UBE2U: variants seen among roughly 807,000 people sequenced by gnomAD.
UBE2U encodes ubiquitin conjugating enzyme E2 U, also known as ubiquitin-conjugating enzyme E2 U.
UBE2U carries 39 observed loss-of-function variants against 41.2 expected under a neutral mutation model. The observed-to-expected ratio is 0.95, with a 90% CI of 0.73 to 1.24. UBE2U has a LOEUF of 1.24. Among genes scored for constraint, UBE2U ranks in the 50% most tolerant of loss-of-function variants. UBE2U has a pLI of 0.00. For missense variants in UBE2U, 336 were observed against 363.1 expected (o/e 0.93, Z 0.61); for synonymous variants, 107 against 117.8 (o/e 0.91, Z 0.60).
intron 4 of UBE2U, among the ~76,000 whole-genome samples, chr1:64,214,354 GTGA>G (rs1402643021): frequency 7.9e-5 from 12 of 152,084 alleles, no homozygotes; most frequent in Admixed American, 7.9e-4. Flanking sequence ...TGTGCCTACA[GTGA>G]TGGGCAATAC....
At chr1:64,236,851 C>G (rs1468400751) in intron 7 of UBE2U, among the ~76,000 whole-genome samples, 6 of 152,216 alleles carry the variant, frequency 3.9e-5, no homozygotes, top group African/African-American at 1.4e-4. Flanking sequence ...TCAGTCTTGA[C>G]TGCTCATGAG....
chr1:64,224,967 AC>A (rs1257193695), intron 6 of UBE2U, among the ~76,000 whole-genome samples: 2 of 148,642 alleles, frequency 1.3e-5, no homozygotes, highest in African/African-American at 5.0e-5. Flanking sequence ...ACACACACAC[AC>A]AACTGAAAGG....
At chr1:64,245,483 T>C (rs1644905693) in intron 8 of UBE2U, among the ~76,000 whole-genome samples, 1 of 152,218 alleles carries the variant, frequency 6.6e-6, no homozygotes, top group Non-Finnish European at 1.5e-5. Context: ...AAATAAAACT[T>C]ATCAGTCCTG....
chr1:64,218,858 AC>A, intron 5 of UBE2U, among the ~76,000 whole-genome samples: 1 of 152,248 alleles, frequency 6.6e-6, no homozygotes, highest in South Asian at 2.1e-4. Context: ...CTTCTTCTAA[AC>A]TTTCTGACAA....
At chr1:64,236,388 A>G (rs1169246250) in intron 7 of UBE2U, among the ~76,000 whole-genome samples, 1 of 152,194 alleles carries the variant, frequency 6.6e-6, no homozygotes, top group Admixed American at 6.6e-5. Context: ...TTTAAATTCA[A>G]ACTCGGAAGT....
chr1:64,251,565 G>A (rs1645011876), intron 8 of UBE2U, among the ~76,000 whole-genome samples: 1 of 152,134 alleles, frequency 6.6e-6, no homozygotes, highest in African/African-American at 2.4e-5. Flanking sequence ...CCCATGGAGA[G>A]CAAAGAAAAG....
chr1:64,233,788 A>G (rs1187962466), intron 7 of UBE2U, among the ~76,000 whole-genome samples: 2 of 152,234 alleles, frequency 1.3e-5, no homozygotes, highest in Non-Finnish European at 2.9e-5. Context: ...TAGGTTGTCC[A>G]GTCTGCATAC....
intron 6 of UBE2U, among the ~76,000 whole-genome samples, chr1:64,231,490 T>A (rs1331107215): frequency 2.0e-5 from 3 of 152,248 alleles, no homozygotes; most frequent in Non-Finnish European, 4.4e-5. Context: ...CATGCGGCTC[T>A]GGAAGCAATA....
chr1:64,232,745 T>C (rs1400805462), intron 7 of UBE2U, 96 bp downstream of exon 7: 5 of 873,572 alleles, frequency 5.7e-6, no homozygotes, highest in East Asian at 2.5e-5. Context: ...ACATCTGCTA[T>C]GTAAGAGTGA....
At chr1:64,231,548 GTGTGA>G (rs1644566152) in intron 6 of UBE2U, among the ~76,000 whole-genome samples, 1 of 152,174 alleles carries the variant, frequency 6.6e-6, no homozygotes, top group Non-Finnish European at 1.5e-5. Flanking sequence ...TTCTACTTAA[GTGTGA>G]TTGTAAAAGT....
chr1:64,244,564 C>A (rs1039247977), intron 8 of UBE2U, among the ~76,000 whole-genome samples: 10 of 152,080 alleles, frequency 6.6e-5, no homozygotes, highest in African/African-American at 2.4e-4. Context: ...TTCCTATATG[C>A]CTCTGGTTCC....
intron 7 of UBE2U, among the ~76,000 whole-genome samples, chr1:64,238,366 T>C (rs1469591432): frequency 1.3e-5 from 2 of 149,886 alleles, no homozygotes; most frequent in East Asian, 4.0e-4. Context: ...ATTGCACCAC[T>C]GCACTCCAGC....
intron 8 of UBE2U, among the ~76,000 whole-genome samples, chr1:64,255,382 A>T (rs1210120446): frequency 6.6e-6 from 1 of 152,140 alleles, no homozygotes; most frequent in Non-Finnish European, 1.5e-5. Context: ...TATTCCAAAA[A>T]AAATTGAAAA....
chr1:64,203,994 G>A lies in UBE2U; in HGVS notation c.-57G>A. 1 of 1,538,708 alleles carries A rather than the reference G, an allele frequency of 6.5e-7. No homozygotes were observed. The highest frequency in any genetic ancestry group is 8.9e-7 in the Non-Finnish European group (1 of 1,120,576). Reference sequence around the variant, plus strand: ...AAGTGACCCATAACTTCAAACATCTGCCTCAGAGTAAACCTGAGGCATTTG... The same window carrying A: ...AAGTGACCCATAACTTCAAACATCTACCTCAGAGTAAACCTGAGGCATTTG... On this transcript the variant is annotated 5_prime_UTR_variant, in exon 1 of 10. Transcript: ENST00000371077.
intron 8 of UBE2U, among the ~76,000 whole-genome samples, chr1:64,258,207 T>C (rs531425330): frequency 6.6e-5 from 10 of 152,366 alleles, no homozygotes; most frequent in East Asian, 3.9e-4. Flanking sequence ...GTTCTTCCTA[T>C]ATTATTAGCT....
At chr1:64,247,148 G>A (rs74791886) in intron 8 of UBE2U, among the ~76,000 whole-genome samples, 3,521 of 150,706 alleles carry the variant, frequency 0.023, 144 homozygotes, top group African/African-American at 0.08. Flanking sequence ...AACACACTCC[G>A]TTCTTTCAGC....
At chr1:64,249,736 A>C (rs1298714461) in intron 8 of UBE2U, among the ~76,000 whole-genome samples, 1 of 151,992 alleles carries the variant, frequency 6.6e-6, no homozygotes, top group South Asian at 2.1e-4. Context: ...AAAAAGATAG[A>C]AAAAAAGACT....
chr1:64,250,665 A>C (rs1644992321), intron 8 of UBE2U, among the ~76,000 whole-genome samples: 1 of 152,170 alleles, frequency 6.6e-6, no homozygotes, highest in Admixed American at 6.5e-5. Context: ...AACCAAGCCA[A>C]ATGTCCAACA....
intron 5 of UBE2U, among the ~76,000 whole-genome samples, chr1:64,216,817 G>A (rs975996697): frequency 6.6e-6 from 1 of 152,184 alleles, no homozygotes; most frequent in African/African-American, 2.4e-5. Context: ...CAAGCTCTAA[G>A]CTCAAACCCA....
Sources: gnomAD v4.1 joint callset for allele counts (sites outside exome capture counted in the v4.1 genomes callset) on GRCh38, gnomAD v4.1.1 for gene constraint, MANE v1.5 for transcripts, NCBI Gene and HGNC (gene_info 2026-07-23, HGNC 2026-07-21) for gene names.